TUBE1: variants seen among roughly 807,000 people sequenced by gnomAD.
TUBE1 encodes the protein tubulin epsilon 1, also known as tubulin epsilon chain.
TUBE1 carries 34 observed loss-of-function variants against 53.5 expected under a neutral mutation model. That is an observed-to-expected ratio of 0.64 (90% confidence interval 0.48 to 0.85). The LOEUF is 0.85. TUBE1 is among the 40% of genes least tolerant of loss of function. TUBE1 has a pLI of 0.00. For synonymous variants in TUBE1, 177 were observed against 198.4 expected (o/e 0.89, Z 0.91); for missense variants, 532 against 570.5 (o/e 0.93, Z 0.69).
intron 9 of TUBE1, among the ~76,000 whole-genome samples, chr6:112,073,963 C>A (rs1390257390): frequency 6.6e-6 from 1 of 152,108 alleles, no homozygotes; most frequent in African/African-American, 2.4e-5. Context: ...TGGTCTTGAA[C>A]TCCTGGGCTC....
intron 2 of TUBE1, 96 bp downstream of exon 2, chr6:112,087,137 A>C: frequency 9.2e-7 from 1 of 1,087,882 alleles, no homozygotes; most frequent in East Asian, 2.6e-5. Context: ...CATGCATCTT[A>C]AACGGGTCAG....
Position 112,074,774 on chromosome 6 carries a change from G to GA in TUBE1, c.888dup (p.His297SerfsTer17). 1.2e-6 allele frequency: 2 copies of GA among 1,608,342 alleles called. No homozygotes were observed. Among genetic ancestry groups the GA allele is most frequent in the African/African-American group, 1.3e-5 (1 of 74,740 alleles). On this transcript the variant is annotated frameshift_variant, in exon 9 of 12. Coordinates refer to ENST00000368662, the MANE Select transcript of TUBE1 (RefSeq NM_016262.5). LOFTEE classifies it high-confidence loss of function. ...GGTGTTAGGCTTGACACGAGATAAT[G>GA]AAGTTGAGGAAAAGGAACTAAATTC...
chr6:112,073,528 G>A (rs1554315643), intron 9 of TUBE1, among the ~76,000 whole-genome samples: 1 of 152,132 alleles, frequency 6.6e-6, no homozygotes, highest in Non-Finnish European at 1.5e-5. Context: ...CTAGGCTGAT[G>A]CCAATGGACA....
At position 112,072,188 on chromosome 6, in the gene TUBE1, T is replaced by A. The variant is rs1776880112; in HGVS notation, c.1095-112A>T. The stretch of plus-strand genomic sequence containing the variant: ...CAGAACATTATGGATGGTATCAATC[T>A]ACTTGCTTAGTTTAGACGCTAAGTT... On this transcript the variant is annotated intron_variant, in intron 10 of 11. Coordinates refer to ENST00000368662, the MANE Select transcript of TUBE1 (RefSeq NM_016262.5). 4.0e-6 allele frequency: 3 copies of A among 754,248 alleles called. No individual in the cohort carries two copies. In the South Asian group the frequency reaches 6.4e-5, roughly 16 times the overall value. 46.7% of individuals were successfully genotyped at this position (754,248 alleles called of 1,614,324 possible).
At chr6:112,076,569 A>C in intron 6 of TUBE1, 60 bp from the exon 7 acceptor site, 7 of 1,445,936 alleles carry the variant, frequency 4.8e-6, no homozygotes, top group Non-Finnish European at 6.5e-6. Context: ...ATTGTGAAGA[A>C]TTTGAAACTT....
intron 2 of TUBE1, 161 bp downstream of exon 2, chr6:112,087,072 T>G (rs1777173395): frequency 1.5e-6 from 1 of 657,950 alleles, no homozygotes; most frequent in African/African-American, 1.8e-5. Context: ...TTTAGTTTAG[T>G]GTGTGTCTGA....
In TUBE1 at chr6:112,076,335, G is replaced by C. The variant is rs1554316062; in HGVS notation, c.623C>G (p.Pro208Arg). The change falls in exon 7 of 12, where the codon CCC (proline) becomes CGC (arginine). Residue 208 changes from proline to arginine, a missense_variant. Pro to Arg is a moderately radical substitution (Grantham distance 103). Coordinates refer to ENST00000368662, the MANE Select transcript of TUBE1 (RefSeq NM_016262.5). ...GTCATTTCTTACTTGATTGTCAATGGGCAATACACAGTCTGCATGCTCATT... is the reference window on the plus strand; with the variant it reads ...GTCATTTCTTACTTGATTGTCAATGCGCAATACACAGTCTGCATGCTCATT... ...ELNEHADCVL[P>R]IDNQSLFDII... 6.3e-7 allele frequency: 1 copy of C among 1,580,110 alleles called. No individual in the cohort carries two copies. The highest frequency in any genetic ancestry group is 1.4e-5 in the African/African-American group (1 of 73,344).
At position 112,071,940 on chromosome 6, in the gene TUBE1, C is replaced by T; in HGVS notation, c.1231G>A (p.Glu411Lys). Residue 411 changes from glutamate (E) to lysine (K), a missense_variant, in exon 11 of 12, where the codon GAA (glutamate) becomes AAA (lysine). Physicochemically the swap from Glu to Lys is moderately conservative, Grantham distance 56. Transcript: ENST00000368662. ...AGCCTCATGAATCTCTCTTTCAGTT[C>T]CATGAAGGTGGGCTTCACACATGTG... Reference protein sequence around the residue: ...NNTCVKPTFMELKERFMRLYK... With the variant: ...NNTCVKPTFMKLKERFMRLYK... 5 of 1,609,424 alleles carry T rather than the reference C, an allele frequency of 3.1e-6. No homozygotes were observed. Among genetic ancestry groups the T allele is most frequent in the Non-Finnish European group, 4.2e-6 (5 of 1,178,606 alleles).
At chr6:112,074,950 G>A in intron 8 of TUBE1, 100 bp from the exon 9 acceptor site, 1 of 759,204 alleles carries the variant, frequency 1.3e-6, no homozygotes, top group Non-Finnish European at 2.0e-6. Flanking sequence ...AAATTCTTTT[G>A]TACACTGTTC....
At chr6:112,083,082 C>G (rs782042838) in intron 4 of TUBE1, among the ~76,000 whole-genome samples, 3 of 152,066 alleles carry the variant, frequency 2.0e-5, no homozygotes, top group Non-Finnish European at 4.4e-5. Flanking sequence ...ATGTCAAAGT[C>G]TCTTTTTCTC....
intron 8 of TUBE1, 189 bp from the exon 9 acceptor site, chr6:112,075,039 C>A: frequency 3.3e-6 from 1 of 306,876 alleles, no homozygotes. Flanking sequence ...TAAAATATAA[C>A]ACACAACATC....
At chr6:112,075,734 T>C (rs781886834) in intron 8 of TUBE1, 1 of 466,460 alleles carries the variant, frequency 2.1e-6, no homozygotes, top group Non-Finnish European at 3.8e-6. Flanking sequence ...TCTGTTCATA[T>C]TCCATGGAAC....
At position 112,084,672 on chromosome 6, in the gene TUBE1, C is replaced by T. The variant is rs115231273; in HGVS notation, c.153-426G>A. Among the ~76,000 whole-genome samples the T allele has an allele frequency of 6.8e-3, 1,036 of 152,270 alleles. 10 individuals carry two copies. The highest frequency in any genetic ancestry group is 0.021 in the African/African-American group (885 of 41,548). On this transcript the variant is annotated intron_variant, in intron 3 of 11. Transcript: ENST00000368662. ...GCCAACACACTTATGGACAGTGGAA[C>T]ATATATAGTATTAGATCTTTGAGGC...
chr6:112,076,478 TAAAAG>T lies in TUBE1; in HGVS notation c.475_479del (p.Leu159LysfsTer4). 6.2e-7 allele frequency: 1 copy of T among 1,610,370 alleles called. No individual in the cohort carries two copies. Among genetic ancestry groups the T allele is most frequent in the Non-Finnish European group, 8.5e-7 (1 of 1,178,878 alleles). ...CTGGGAATTCGTCTTCAAGCACCTT[TAAAAG>T]AAATGTGCCAAGTCCAGATCCTGTT... On this transcript the variant is annotated frameshift_variant, in exon 7 of 12. Transcript: ENST00000368662. LOFTEE classifies it high-confidence loss of function.
intron 6 of TUBE1, 143 bp downstream of exon 6, chr6:112,079,490 G>T: frequency 1.6e-6 from 1 of 616,768 alleles, no homozygotes; most frequent in Non-Finnish European, 2.6e-6. Context: ...ATAAAAAGGT[G>T]TATGTTTATA....
intron 5 of TUBE1, 48 bp from the exon 6 acceptor site, chr6:112,079,802 T>G (rs782153376): frequency 1.3e-6 from 2 of 1,561,164 alleles, no homozygotes; most frequent in South Asian, 1.2e-5. Flanking sequence ...TTTATTTTTT[T>G]ATTTGATTAG....
intron 7 of TUBE1, 63 bp from the exon 8 acceptor site, chr6:112,076,175 C>G: frequency 6.6e-7 from 1 of 1,505,380 alleles, no homozygotes; most frequent in Non-Finnish European, 9.0e-7. Flanking sequence ...TGATATTCTA[C>G]TAGGAAAGAG....
intron 6 of TUBE1, 197 bp downstream of exon 6, chr6:112,079,436 A>AT: frequency 7.2e-6 from 3 of 415,212 alleles, no homozygotes; most frequent in Non-Finnish European, 1.2e-5. Flanking sequence ...AAAAAAAAAA[A>AT]GAAAAGAAAA....
At position 112,071,968 on chromosome 6, in the gene TUBE1, A is replaced by G; in HGVS notation, c.1203T>C (p.Asn401=). Residue 401 remains asparagine, a synonymous_variant, in exon 11 of 12, where the codon AAT becomes AAC. Coordinates refer to ENST00000368662, the MANE Select transcript of TUBE1 (RefSeq NM_016262.5). ...TGAAGGTGGGCTTCACACATGTGTT[A>G]TTTGCTAAAGCTAATAACGAATGAG... The part of the protein sequence containing the change: ...GHSHSLLALA[N]NTCVKPTFME... 6.2e-7 allele frequency: 1 copy of G among 1,612,904 alleles called. No individual in the cohort carries two copies. Among genetic ancestry groups the G allele is most frequent in the Non-Finnish European group, 8.5e-7 (1 of 1,179,574 alleles).
Sources: gnomAD v4.1 joint callset for allele counts (sites outside exome capture counted in the v4.1 genomes callset) on GRCh38, gnomAD v4.1.1 for gene constraint, MANE v1.5 for transcripts, NCBI Gene and HGNC (gene_info 2026-07-23, HGNC 2026-07-21) for gene names.